Variants in SLCO3A1 observed in about 807,000 individuals in gnomAD.
SLCO3A1 encodes solute carrier organic anion transporter family member 3A1.
In SLCO3A1, 27 loss-of-function variants were observed where a neutral mutation model predicts 63.1. That is an observed-to-expected ratio of 0.43 (90% confidence interval 0.32 to 0.59). The LOEUF is 0.59. Ranked by LOEUF, SLCO3A1 falls within the 20% of genes least tolerant of loss-of-function variation. The pLI, the probability that SLCO3A1 is intolerant of heterozygous loss-of-function variation, is 0.09. For synonymous variants in SLCO3A1, 473 were observed against 409.9 expected (o/e 1.15, Z -1.86); for missense variants, 773 against 945.8 (o/e 0.82, Z 2.40).
intron 1 of SLCO3A1, among the ~76,000 whole-genome samples, chr15:91,905,032 A>G (rs566684332): frequency 9.8e-5 from 15 of 152,334 alleles, no homozygotes; most frequent in African/African-American, 3.4e-4. Flanking sequence ...AGGCCAAGAG[A>G]AAAAGAAATG....
At chr15:92,030,149 A>C (rs1483301597) in intron 2 of SLCO3A1, among the ~76,000 whole-genome samples, 1 of 152,202 alleles carries the variant, frequency 6.6e-6, no homozygotes, top group East Asian at 1.9e-4. Context: ...CCTCCTGTTG[A>C]TTCTTTCTGT....
At chr15:91,980,913 T>C (rs1597183936) in intron 2 of SLCO3A1, among the ~76,000 whole-genome samples, 1 of 152,190 alleles carries the variant, frequency 6.6e-6, no homozygotes, top group East Asian at 1.9e-4. Context: ...CAGGTGACCA[T>C]AATTCATGTG....
chr15:92,007,477 G>T (rs147955726), intron 2 of SLCO3A1, among the ~76,000 whole-genome samples: 1 of 152,180 alleles, frequency 6.6e-6, no homozygotes, highest in Non-Finnish European at 1.5e-5. Flanking sequence ...GTTGTTTTGG[G>T]GGAGAACAGA....
intron 2 of SLCO3A1, among the ~76,000 whole-genome samples, chr15:91,991,330 T>C (rs1003515550): frequency 6.6e-6 from 1 of 152,110 alleles, no homozygotes; most frequent in Non-Finnish European, 1.5e-5. Flanking sequence ...TACTGCACTC[T>C]AGTGTGGGCA....
intron 2 of SLCO3A1, among the ~76,000 whole-genome samples, chr15:91,963,404 A>AGGGCGGGGG (rs1176735786): frequency 3.2e-4 from 1 of 3,156 alleles, no homozygotes; most frequent in African/African-American, 1.3e-3. Flanking sequence ...TAACTCGGGG[A>AGGGCGGGGG]GGGTGGGGGG....
At chr15:92,135,979 G>A (rs2048052295) in intron 7 of SLCO3A1, among the ~76,000 whole-genome samples, 1 of 152,240 alleles carries the variant, frequency 6.6e-6, no homozygotes, top group East Asian at 1.9e-4. Context: ...ACCAGCTTGG[G>A]CAACATAGTG....
intron 8 of SLCO3A1, chr15:92,148,897 A>G (rs150390268): frequency 6.6e-5 from 10 of 152,364 alleles, no homozygotes; most frequent in African/African-American, 2.4e-4. Context: ...GAACTATTGA[A>G]TTTAAAACTA....
chr15:91,905,852 G>T (rs534026710), intron 1 of SLCO3A1, among the ~76,000 whole-genome samples: 1 of 64,806 alleles, frequency 1.5e-5, no homozygotes, highest in African/African-American at 1.6e-4. Context: ...TAAACTTATC[G>T]TTATTTTTAG....
intron 2 of SLCO3A1, among the ~76,000 whole-genome samples, chr15:92,070,107 G>A (rs978581885): frequency 2.6e-5 from 4 of 152,164 alleles, no homozygotes; most frequent in Non-Finnish European, 4.4e-5. Flanking sequence ...GAAAGAAAAC[G>A]TGAGCCTAAA....
At chr15:91,990,804 A>C (rs761310388) in intron 2 of SLCO3A1, among the ~76,000 whole-genome samples, 4 of 152,162 alleles carry the variant, frequency 2.6e-5, no homozygotes, top group Non-Finnish European at 5.9e-5. Context: ...TCTAGAATAC[A>C]GCTCTTAAAC....
At position 92,104,929 on chromosome 15, in the gene SLCO3A1, A is replaced by G. The variant is rs575853208; in HGVS notation, c.1009+387A>G. Among the ~76,000 whole-genome samples the G allele has an allele frequency of 2.8e-3, 424 of 151,898 alleles. 2 individuals are homozygous for G. Among genetic ancestry groups the G allele is most frequent in the African/African-American group, 9.7e-3 (402 of 41,436 alleles). ...TTGAAGTTGGCTTCCTTTGCCTGAT[A>G]TCAGCATTCTTTGAAAAGCCACCTC... is the stretch of plus-strand genomic sequence containing the variant. On this transcript the variant is annotated intron_variant, in intron 4 of 9. Transcript: ENST00000318445.
At chr15:92,171,148 ACAAT>A (rs1211512528) in intron 10 of SLCO3A1, 1 of 152,226 alleles carries the variant, frequency 6.6e-6, no homozygotes, top group Non-Finnish European at 1.5e-5. Context: ...GCTGCATGTC[ACAAT>A]CAATGAGACC....
In SLCO3A1 at chr15:91,916,716, A is replaced by G. The variant is rs113445835; in HGVS notation, c.646+258A>G. ...ACTAACACCGCTTCAGTGGGAAAAC[A>G]TGATCGGGAGGAGTTGTATGTTTAT... On this transcript the variant is annotated intron_variant, in intron 2 of 9. Coordinates refer to ENST00000318445, the MANE Select transcript of SLCO3A1 (RefSeq NM_013272.4). This position sits in a 1 kb window ranked among gnomAD's most constrained non-coding sequence, Gnocchi z 6.2. 3.1e-3 allele frequency among the ~76,000 whole-genome samples: 465 copies of G among 152,326 alleles called. 6 individuals carry two copies. The highest frequency in any genetic ancestry group is 0.011 in the African/African-American group (454 of 41,566).
At chr15:91,914,178 G>A (rs1333247181) in intron 1 of SLCO3A1, among the ~76,000 whole-genome samples, 3 of 152,136 alleles carry the variant, frequency 2.0e-5, no homozygotes, top group South Asian at 2.1e-4. Context: ...AAGTAACTTG[G>A]TCAAGGTCAG....
intron 4 of SLCO3A1, among the ~76,000 whole-genome samples, chr15:92,113,157 C>G (rs116814506): frequency 6.6e-6 from 1 of 152,202 alleles, no homozygotes; most frequent in Admixed American, 6.5e-5. Flanking sequence ...CTTTCTTCAT[C>G]TCTGTGATCC....
chr15:92,170,921 C>G (rs940367417), intron 10 of SLCO3A1: 3 of 152,230 alleles, frequency 2.0e-5, no homozygotes, highest in African/African-American at 7.2e-5. Context: ...CTCCCCACGC[C>G]CAAGTCTTTC....
chr15:92,165,422 A>G lies in SLCO3A1; in HGVS notation c.*2287A>G. 1 of 985,232 alleles carries G rather than the reference A, an allele frequency of 1.0e-6. No individual in the cohort carries two copies. Among genetic ancestry groups the G allele is most frequent in the Non-Finnish European group, 1.2e-6 (1 of 829,834 alleles). 61.0% of individuals were successfully genotyped at this position (985,232 alleles called of 1,614,324 possible). A position where few individuals can be genotyped will look rare whatever the true frequency, so the allele number is the denominator to read the frequency against. On this transcript the variant is annotated 3_prime_UTR_variant, in exon 10 of 10. Coordinates refer to ENST00000318445, the MANE Select transcript of SLCO3A1 (RefSeq NM_013272.4). ...TATTGCTAATAGGTCACTCTTATAG[A>G]TTATTGCTTGGCCCTTCAAACTCAG...
chr15:92,164,385 G>C lies in SLCO3A1; in HGVS notation c.*1250G>C. The C allele has an allele frequency of 1.0e-6, 1 of 985,342 alleles. No individual in the cohort carries two copies. Among genetic ancestry groups the C allele is most frequent in the Non-Finnish European group, 1.2e-6 (1 of 829,882 alleles). The allele number at this position is 985,342 out of a possible 1,614,324, so 61.0% of individuals were successfully genotyped here. On this transcript the variant is annotated 3_prime_UTR_variant, in exon 10 of 10. Coordinates refer to ENST00000318445, the MANE Select transcript of SLCO3A1 (RefSeq NM_013272.4). ...AAAAGAATCACATTTGAGACAACAG[G>C]GGATAATGTGATGAATTGCAAATTT...
intron 2 of SLCO3A1, among the ~76,000 whole-genome samples, chr15:91,955,036 C>G (rs557601892): frequency 3.9e-5 from 6 of 152,138 alleles, no homozygotes; most frequent in African/African-American, 1.4e-4. Context: ...CGTCCTCTGC[C>G]TCCTATTGTA....
Sources: gnomAD v4.1 joint callset for allele counts (sites outside exome capture counted in the v4.1 genomes callset) on GRCh38, gnomAD v4.1.1 for gene constraint, Gnocchi (gnomAD v3.1) non-coding constraint, MANE v1.5 for transcripts, NCBI Gene and HGNC (gene_info 2026-07-23, HGNC 2026-07-21) for gene names.